The following DIS3L2 variants were observed in gnomAD, a reference collection of about 807,000 sequenced individuals.
DIS3L2 encodes DIS3 like 3'-5' exoribonuclease 2.
Under a neutral mutation model 97.5 loss-of-function variants are expected in DIS3L2, and 34 were observed. That is an observed-to-expected ratio of 0.35 (90% CI 0.27 to 0.46). The LOEUF is 0.46. Among genes scored for constraint, DIS3L2 ranks in the 20% least tolerant of loss-of-function variants. The pLI is 1.00. For synonymous variants in DIS3L2, 435 were observed against 445.2 expected, an observed-to-expected ratio of 0.98 and a Z score of 0.29; for missense variants, 1,038 against 1,146.0, an observed-to-expected ratio of 0.91 and a Z score of 1.36.
At chr2:232,326,159 G>A (rs1479926061) in intron 14 of DIS3L2, among the ~76,000 whole-genome samples, 1 of 152,202 alleles carries the variant, frequency 6.6e-6, no homozygotes, top group African/African-American at 2.4e-5. Context: ...CTAAGCTGGA[G>A]CCTCCCCATC....
intron 5 of DIS3L2, among the ~76,000 whole-genome samples, chr2:232,032,841 T>G (rs114103839): frequency 0.011 from 1,712 of 152,242 alleles, 19 homozygotes; most frequent in Non-Finnish European, 0.016. Flanking sequence ...TTCTGTCCTA[T>G]TGGTCTATAT....
At chr2:232,005,322 C>G (rs1395084691) in intron 1 of DIS3L2, among the ~76,000 whole-genome samples, 1 of 152,016 alleles carries the variant, frequency 6.6e-6, no homozygotes, top group Non-Finnish European at 1.5e-5. Context: ...TATAATGTTG[C>G]GTTGAGTCTG....
chr2:231,985,256 C>T (rs568519766), intron 1 of DIS3L2, among the ~76,000 whole-genome samples: 14 of 152,340 alleles, frequency 9.2e-5, no homozygotes, highest in East Asian at 3.9e-4. Context: ...CTCTCTCTGC[C>T]TCCCTAACCC....
intron 10 of DIS3L2, among the ~76,000 whole-genome samples, chr2:232,229,642 G>C (rs756016225): frequency 6.6e-6 from 1 of 152,216 alleles, no homozygotes; most frequent in Non-Finnish European, 1.5e-5. Flanking sequence ...TTTACTACCT[G>C]GGTGTTCCTC....
chr2:232,203,564 A>G (rs1691952679), intron 9 of DIS3L2, among the ~76,000 whole-genome samples: 1 of 152,220 alleles, frequency 6.6e-6, no homozygotes, highest in Non-Finnish European at 1.5e-5. Context: ...TCATCTGTCC[A>G]TCAGCTATTC....
intron 5 of DIS3L2, among the ~76,000 whole-genome samples, chr2:232,085,954 C>T (rs1441418641): frequency 6.6e-6 from 1 of 152,052 alleles, no homozygotes; most frequent in African/African-American, 2.4e-5. Context: ...CTACAGGCGC[C>T]CTGCCCCCCA....
At chr2:232,231,317 C>G (rs146624473) in intron 10 of DIS3L2, among the ~76,000 whole-genome samples, 15 of 152,210 alleles carry the variant, frequency 9.9e-5, no homozygotes, top group African/African-American at 3.6e-4. Context: ...GAAAGCTAAA[C>G]CATGTGGTTG....
rs552411409 is a variant in DIS3L2 at position 232,327,343 on chromosome 2, C to T, written c.1740-2470C>T. On this transcript the variant is annotated intron_variant, in intron 14 of 20. Coordinates refer to ENST00000325385, the MANE Select transcript of DIS3L2 (RefSeq NM_152383.5). ...CCTAAGGCTACACTTGTCCCTCTTCCGGCAAGCCTGCAGCTGGGCTGGAGG... is the reference window on the plus strand; with the variant it reads ...CCTAAGGCTACACTTGTCCCTCTTCTGGCAAGCCTGCAGCTGGGCTGGAGG... Among the ~76,000 whole-genome samples, 266 of 152,354 alleles carry T rather than the reference C, an allele frequency of 1.7e-3. 2 individuals are homozygous for T. Among genetic ancestry groups the T allele is most frequent in the African/African-American group, 6.1e-3 (253 of 41,584 alleles).
chr2:232,272,066 A>G (rs899445416), intron 13 of DIS3L2, among the ~76,000 whole-genome samples: 3 of 152,228 alleles, frequency 2.0e-5, no homozygotes, highest in African/African-American at 7.2e-5. Flanking sequence ...CATCAGATTC[A>G]TTCTGTTGAG....
intron 9 of DIS3L2, among the ~76,000 whole-genome samples, chr2:232,182,189 G>T (rs945971779): frequency 6.6e-6 from 1 of 151,806 alleles, no homozygotes; most frequent in African/African-American, 2.4e-5. Flanking sequence ...CTTCTTTGAC[G>T]TATTTTTTAT....
chr2:232,230,170 C>T (rs998074409), intron 10 of DIS3L2, among the ~76,000 whole-genome samples: 2 of 152,176 alleles, frequency 1.3e-5, no homozygotes, highest in African/African-American at 4.8e-5. Context: ...TTTGAGTTGT[C>T]CCTCTTACCT....
chr2:232,301,611 A>G (rs1292943582), intron 14 of DIS3L2, among the ~76,000 whole-genome samples: 1 of 152,198 alleles, frequency 6.6e-6, no homozygotes, highest in Non-Finnish European at 1.5e-5. Flanking sequence ...AGAATGCCAT[A>G]GTAACTGGTG....
exon 14 of DIS3L2, chr2:232,344,211 T>G (rs1696171819): frequency 6.6e-6 from 1 of 152,286 alleles, no homozygotes; most frequent in African/African-American, 2.4e-5. Context: ...GCAACAATTA[T>G]TTTTCTTATC....
intron 6 of DIS3L2, among the ~76,000 whole-genome samples, chr2:232,098,129 A>G (rs1156889535): frequency 6.6e-6 from 1 of 152,200 alleles, no homozygotes; most frequent in African/African-American, 2.4e-5. Context: ...CAGGACCCAC[A>G]GTGTTCTAAG....
intron 5 of DIS3L2, among the ~76,000 whole-genome samples, chr2:232,035,123 G>A (rs1694915216): frequency 6.6e-6 from 1 of 152,158 alleles, no homozygotes; most frequent in Admixed American, 6.5e-5. Flanking sequence ...CTATTATTGT[G>A]TGGGAGTCTA....
chr2:232,251,233 A>G (rs1693410077), intron 12 of DIS3L2, among the ~76,000 whole-genome samples: 1 of 152,240 alleles, frequency 6.6e-6, no homozygotes, highest in South Asian at 2.1e-4. Context: ...CTAGAACAAA[A>G]CACACTAGCA....
chr2:232,187,289 C>A (rs1691467041), intron 9 of DIS3L2, among the ~76,000 whole-genome samples: 1 of 152,028 alleles, frequency 6.6e-6, no homozygotes, highest in South Asian at 2.1e-4. Flanking sequence ...AAATTGGAAC[C>A]CTCTTATACT....
At position 232,329,726 on chromosome 2, in the gene DIS3L2, G is replaced by A. The variant is rs539401459; in HGVS notation, c.1740-87G>A. On this transcript the variant is annotated intron_variant, in intron 14 of 20. Transcript: ENST00000325385. ...GCTGAGACCTGAAGGGTGATTGATA[G>A]AGAGCCAGGCCGGCTGCAGCGTGGG... The A allele has an allele frequency of 2.6e-5, 35 of 1,328,510 alleles. No individual in the cohort carries two copies. The South Asian group carries it at 5.1e-4, about 19-fold the overall frequency. 82.3% of individuals were successfully genotyped at this position (1,328,510 alleles called of 1,614,324 possible). A position where few individuals can be genotyped will look rare whatever the true frequency, so the allele number is the denominator to read the frequency against.
rs1025738442 is a variant in DIS3L2, at chr2:232,264,446, C to T, written c.1659+1006C>T. On this transcript the variant is annotated intron_variant, in intron 13 of 20. Transcript: ENST00000325385. ...TGCTTGAATTTCCATATCTGAGAGT[C>T]GGTAACTGTTAGGACCCAGGATTTC... is the stretch of plus-strand genomic sequence containing the variant. 3.9e-5 allele frequency among the ~76,000 whole-genome samples: 6 copies of T among 152,220 alleles called. 1 individual carries two copies. The highest frequency in any genetic ancestry group is 4.8e-5 in the African/African-American group (2 of 41,448).
Sources: allele counts gnomAD v4.1 joint callset (sites outside exome capture counted in the v4.1 genomes callset), GRCh38; gene constraint gnomAD v4.1.1; transcripts MANE v1.5; gene names NCBI Gene and HGNC (gene_info 2026-07-23, HGNC 2026-07-21).